The following MALRD1 variants were observed in gnomAD, a reference collection of about 807,000 sequenced individuals.
The protein encoded by MALRD1 is MAM and LDL receptor class A domain containing 1, also known as MAM and LDL-receptor class A domain-containing protein 1.
In MALRD1, 247 loss-of-function variants were observed where a neutral mutation model predicts 242.1. The observed-to-expected ratio is 1.02, with a 90% CI of 0.92 to 1.13. The LOEUF (loss-of-function observed/expected upper bound fraction) is 1.13. MALRD1 is among the 50% of genes most tolerant of loss of function. MALRD1 has a pLI of 0.00. For missense variants in MALRD1, 2,989 were observed against 2,533.1 expected (o/e 1.18, Z -3.86); for synonymous variants, 995 against 866.6 (o/e 1.15, Z -2.60).
At chr10:19,733,214 G>C (rs78100937) in intron 39 of MALRD1, among the ~76,000 whole-genome samples, 1,752 of 152,214 alleles carry the variant, frequency 0.012, 27 homozygotes, top group East Asian at 0.045. Flanking sequence ...AATATTCATG[G>C]CAATATTCAT....
chr10:19,196,603 A>G (rs1271118123), intron 14 of MALRD1, among the ~76,000 whole-genome samples: 2 of 144,692 alleles, frequency 1.4e-5, no homozygotes, highest in Non-Finnish European at 3.0e-5. Context: ...TCTAATTTAT[A>G]TCTCCAGCCT....
At chr10:19,169,425 A>T (rs183703624) in intron 13 of MALRD1, among the ~76,000 whole-genome samples, 1 of 152,218 alleles carries the variant, frequency 6.6e-6, no homozygotes, top group Admixed American at 6.5e-5. Context: ...ACTATTAAAT[A>T]TTTCTAACTA....
chr10:19,670,541 C>T (rs1841869569), intron 36 of MALRD1, among the ~76,000 whole-genome samples: 1 of 152,154 alleles, frequency 6.6e-6, no homozygotes, highest in Non-Finnish European at 1.5e-5. Flanking sequence ...AAACACAAAA[C>T]AACCCTCACT....
In MALRD1 at chr10:19,526,001, G is replaced by T. The variant is rs10827526; in HGVS notation, c.5321-5193G>T. ...CTTTTCATAGAGTCATATAAATAAA[G>T]CGAGTTGGTTTAATGATTTACCATT... On this transcript the variant is annotated intron_variant, in intron 31 of 39. Coordinates refer to ENST00000454679, the MANE Select transcript of MALRD1 (RefSeq NM_001142308.3). Among the ~76,000 whole-genome samples, 133 of 152,064 alleles carry T rather than the reference G, an allele frequency of 8.7e-4. 1 individual carries two copies. In the South Asian group the frequency reaches 0.027, roughly 31 times the overall value.
chr10:19,211,684 C>CAAAAA (rs71387056), intron 18 of MALRD1, among the ~76,000 whole-genome samples: 62 of 67,352 alleles, frequency 9.2e-4, no homozygotes, highest in African/African-American at 1.0e-3. Flanking sequence ...TGACTCCTCA[C>CAAAAA]AAAAAAAAAA....
At chr10:19,653,768 T>G (rs1293849071) in intron 36 of MALRD1, among the ~76,000 whole-genome samples, 1 of 152,132 alleles carries the variant, frequency 6.6e-6, no homozygotes, top group Non-Finnish European at 1.5e-5. Context: ...AATTTCAGAG[T>G]AATATCAAAG....
At chr10:19,196,520 TG>T (rs763820498) in intron 14 of MALRD1, among the ~76,000 whole-genome samples, 4 of 142,858 alleles carry the variant, frequency 2.8e-5, no homozygotes, top group Non-Finnish European at 6.0e-5. Flanking sequence ...TCTCATGGCA[TG>T]GGGCACCACT....
In MALRD1 at chr10:19,094,347, C is replaced by A. The variant is rs574633561; in HGVS notation, c.597+6162C>A. 3.2e-5 allele frequency among the ~76,000 whole-genome samples: 4 copies of A among 123,548 alleles called. No individual in the cohort carries two copies. The South Asian group carries it at 7.8e-4, about 24-fold the overall frequency. The allele number at this position is 123,548 out of a possible 152,430, so 81.1% of individuals were successfully genotyped here. On this transcript the variant is annotated intron_variant, in intron 4 of 39. Transcript: ENST00000454679. ...AGCGCAATATTCGGGTGGGAGTGAC[C>A]CGATTTTCCAGGTGCGTCCGTCACC...
intron 28 of MALRD1, among the ~76,000 whole-genome samples, chr10:19,439,901 C>T (rs1049913874): frequency 1.2e-4 from 19 of 152,226 alleles, no homozygotes; most frequent in African/African-American, 4.3e-4. Flanking sequence ...GCTATTACTT[C>T]GAGTGTGTCA....
At chr10:19,495,589 C>A (rs1453336653) in intron 30 of MALRD1, among the ~76,000 whole-genome samples, 1 of 152,014 alleles carries the variant, frequency 6.6e-6, no homozygotes, top group African/African-American at 2.4e-5. Context: ...CTTAAAAGAG[C>A]TTCTGAAGAC....
intron 29 of MALRD1, among the ~76,000 whole-genome samples, chr10:19,472,428 G>A (rs553519897): frequency 2.0e-4 from 31 of 152,070 alleles, no homozygotes; most frequent in African/African-American, 7.2e-4. Flanking sequence ...GAACTTGGAA[G>A]TATTTCCTCC....
At chr10:19,266,041 T>C (rs897771034) in intron 19 of MALRD1, among the ~76,000 whole-genome samples, 6 of 151,976 alleles carry the variant, frequency 3.9e-5, no homozygotes, top group Non-Finnish European at 7.4e-5. Flanking sequence ...TGTGCTCTTT[T>C]CTGGTTTGCA....
At chr10:19,353,301 C>G (rs1415734410) in intron 26 of MALRD1, among the ~76,000 whole-genome samples, 1 of 152,004 alleles carries the variant, frequency 6.6e-6, no homozygotes, top group Non-Finnish European at 1.5e-5. Flanking sequence ...ACCACCATGC[C>G]CAGCAGATAT....
chr10:19,441,354 A>G (rs1589078423), intron 28 of MALRD1, among the ~76,000 whole-genome samples: 2 of 152,036 alleles, frequency 1.3e-5, no homozygotes, highest in Admixed American at 6.6e-5. Context: ...ATTAGATCCC[A>G]TTTGTCAATT....
intron 1 of MALRD1, among the ~76,000 whole-genome samples, chr10:19,060,100 G>A (rs376297576): frequency 1.1e-4 from 16 of 152,204 alleles, no homozygotes; most frequent in African/African-American, 3.6e-4. Flanking sequence ...TGCCCATCTG[G>A]GTGTCAATCT....
At chr10:19,133,782 A>G (rs955675748) in intron 8 of MALRD1, 74 bp from the exon 9 acceptor site, 1 of 590,308 alleles carries the variant, frequency 1.7e-6, no homozygotes, top group African/African-American at 1.9e-5. Flanking sequence ...CTACAGTGTA[A>G]TTAAAAGAGC....
chr10:19,442,462 A>C (rs974235222), intron 28 of MALRD1, among the ~76,000 whole-genome samples: 1 of 152,154 alleles, frequency 6.6e-6, no homozygotes, highest in African/African-American at 2.4e-5. Flanking sequence ...GGTTTGTTAT[A>C]AACAGCTCTT....
At chr10:19,289,659 T>C (rs895743878) in intron 21 of MALRD1, among the ~76,000 whole-genome samples, 11 of 152,164 alleles carry the variant, frequency 7.2e-5, no homozygotes, top group Admixed American at 5.2e-4. Context: ...ACAGTTCTTA[T>C]GCATCAGATA....
chr10:19,114,903 T>G (rs546926776), intron 5 of MALRD1, among the ~76,000 whole-genome samples: 1 of 152,328 alleles, frequency 6.6e-6, no homozygotes, highest in South Asian at 2.1e-4. Flanking sequence ...ATGGTCATTC[T>G]ATACCTGACT....
Sources: gnomAD v4.1 joint callset for allele counts (sites outside exome capture counted in the v4.1 genomes callset) on GRCh38, gnomAD v4.1.1 for gene constraint, MANE v1.5 for transcripts, NCBI Gene and HGNC (gene_info 2026-07-23, HGNC 2026-07-21) for gene names.